MYO7A: variants seen among roughly 807,000 people sequenced by gnomAD.
MYO7A encodes myosin VIIA.
A neutral mutation model predicts 263.8 loss-of-function variants in MYO7A; 210 were observed. That is an observed-to-expected ratio of 0.80 (90% CI 0.71 to 0.89). MYO7A has a LOEUF of 0.89. Ranked by LOEUF, MYO7A falls within the 40% of genes least tolerant of loss-of-function variation. The pLI is 0.00. For missense variants in MYO7A, 2,820 were observed against 2,968.3 expected, an observed-to-expected ratio of 0.95 and a Z score of 1.16; for synonymous variants, 1,239 against 1,197.3, an observed-to-expected ratio of 1.03 and a Z score of -0.72.
intron 37 of MYO7A, 48 bp from the exon 38 acceptor site, chr11:77,203,012 G>C (rs1055512167): frequency 1.3e-6 from 2 of 1,537,816 alleles, no homozygotes; most frequent in Admixed American, 3.9e-5. Flanking sequence ...GTTTCTCCCC[G>C]GGGCTGCCAG....
At position 77,208,257 on chromosome 11, in the gene MYO7A, C is replaced by A. The variant is rs561393825; in HGVS notation, c.5857-173C>A. On this transcript the variant is annotated intron_variant, in intron 42 of 48. Coordinates refer to ENST00000409709, the MANE Select transcript of MYO7A (RefSeq NM_000260.4). ...GCTCCCGGCAAGAAGTGGGCTCTTC[C>A]GGGGACACTCAGCAGGCACATGGGG... is the stretch of plus-strand genomic sequence containing the variant. 2.2e-4 allele frequency among the ~76,000 whole-genome samples: 34 copies of A among 152,260 alleles called. 2 individuals are homozygous for A. The South Asian group carries it at 6.9e-3, about 31-fold the overall frequency.
chr11:77,213,496 C>T (rs745362517), intron 47 of MYO7A, among the ~76,000 whole-genome samples: 62 of 152,194 alleles, frequency 4.1e-4, no homozygotes, highest in Non-Finnish European at 7.2e-4. Context: ...CATTCCTTCC[C>T]GGACCCTTTG....
intron 31 of MYO7A, among the ~76,000 whole-genome samples, chr11:77,192,906 GA>G (rs1956220611): frequency 3.6e-4 from 1 of 2,800 alleles, no homozygotes; most frequent in Admixed American, 5.3e-3. Context: ...TGGTGTTGGT[GA>G]TGGTGGAGGG....
intron 28 of MYO7A, 125 bp from the exon 29 acceptor site, chr11:77,189,895 G>C: frequency 1.4e-6 from 2 of 1,399,004 alleles, no homozygotes; most frequent in Non-Finnish European, 1.9e-6. Context: ...TGAGAGGGTA[G>C]GGAAGCCACA....
At chr11:77,157,693 G>A (rs908390006) in intron 8 of MYO7A, among the ~76,000 whole-genome samples, 1 of 152,226 alleles carries the variant, frequency 6.6e-6, no homozygotes, top group Non-Finnish European at 1.5e-5. Context: ...CCACATGGAC[G>A]TAAGTGTGGG....
At chr11:77,161,987 C>T in intron 12 of MYO7A, 133 bp from the exon 13 acceptor site, 1 of 834,968 alleles carries the variant, frequency 1.2e-6, no homozygotes, top group East Asian at 2.7e-5. Context: ...GACAATTCCC[C>T]TCGCCTCTGA....
chr11:77,139,384 G>A (rs1951069988), intron 2 of MYO7A: 1 of 152,194 alleles, frequency 6.6e-6, no homozygotes, highest in South Asian at 2.1e-4. Context: ...CCTCTGCCCT[G>A]GTCATATATT....
intron 40 of MYO7A, 110 bp downstream of exon 40, chr11:77,205,727 C>A: frequency 7.1e-7 from 1 of 1,406,890 alleles, no homozygotes; most frequent in Non-Finnish European, 9.6e-7. Flanking sequence ...TTGGGCCCAC[C>A]CCTGGGGTAC....
At chr11:77,167,684 C>T (rs1555073494) in intron 15 of MYO7A, among the ~76,000 whole-genome samples, 1 of 152,176 alleles carries the variant, frequency 6.6e-6, no homozygotes, top group East Asian at 1.9e-4. Flanking sequence ...CATTTCCTCT[C>T]TGCCAAATAC....
chr11:77,205,320 C>A, intron 39 of MYO7A, 142 bp from the exon 40 acceptor site: 1 of 1,017,696 alleles, frequency 9.8e-7, no homozygotes, highest in Non-Finnish European at 1.4e-6. Context: ...GTGAGGGGTC[C>A]TGAGATAGGG....
chr11:77,186,082 C>A (rs1299182419), intron 27 of MYO7A, among the ~76,000 whole-genome samples: 1 of 150,924 alleles, frequency 6.6e-6, no homozygotes, highest in African/African-American at 2.5e-5. Flanking sequence ...ACCACCACAT[C>A]CAGCTAATTT....
chr11:77,193,620 C>T (rs574100686), intron 31 of MYO7A, among the ~76,000 whole-genome samples: 72 of 151,330 alleles, frequency 4.8e-4, no homozygotes, highest in African/African-American at 1.2e-3. Context: ...AATATTCAGG[C>T]GGAGTGCATT....
Position 77,162,941 on chromosome 11 carries a change from A to G in MYO7A, c.1643A>G (p.Gln548Arg), listed in dbSNP as rs1953144028. ...CCCCCCAAGAACAACCATGAGACCC[A>G]GTTTGGCATCAACCATTTTGCAGGC... is the stretch of plus-strand genomic sequence containing the variant. ...YIPPKNNHET[Q>R]FGINHFAGIV... The change falls in exon 14 of 49, where the codon CAG becomes CGG. Residue 548 changes from glutamine (Q) to arginine (R), a missense_variant. Physicochemically the swap from Gln to Arg is conservative, Grantham distance 43 (BLOSUM62 1). Transcript: ENST00000409709. 5 of 1,613,686 alleles carry G rather than the reference A, an allele frequency of 3.1e-6. No homozygotes were observed. The highest frequency in any genetic ancestry group is 4.2e-6 in the Non-Finnish European group (5 of 1,179,860).
chr11:77,201,782 G>GCACA, intron 36 of MYO7A, 144 bp downstream of exon 36: 1 of 1,025,772 alleles, frequency 9.7e-7, no homozygotes, highest in Non-Finnish European at 1.4e-6. Context: ...TTTAAAGTTG[G>GCACA]GGCAGTGCTC....
At position 77,190,040 on chromosome 11, in the gene MYO7A, C is replaced by CG; in HGVS notation, c.3656dup (p.Pro1221AlafsTer8). On this transcript the variant is annotated frameshift_variant, in exon 29 of 49. Transcript: ENST00000409709. LOFTEE classifies it high-confidence loss of function. The stretch of plus-strand genomic sequence containing the variant: ...TGCAGTACCTGCGGAACTTCATCCA[C>CG]GGGGGCCCGCCCGGCTACGCCCCGT... 6.4e-7 allele frequency: 1 copy of CG among 1,559,736 alleles called. No homozygotes were observed. Among genetic ancestry groups the CG allele is most frequent in the Non-Finnish European group, 8.7e-7 (1 of 1,152,390 alleles).
chr11:77,129,662 T>A (rs1177375811), intron 1 of MYO7A, among the ~76,000 whole-genome samples: 1 of 152,048 alleles, frequency 6.6e-6, no homozygotes, highest in Non-Finnish European at 1.5e-5. Flanking sequence ...CCTGACAACA[T>A]AATGCATATA....
At chr11:77,181,773 TTTTTTG>T (rs782820632) in intron 23 of MYO7A, among the ~76,000 whole-genome samples, 172 bp from the exon 24 acceptor site, 759 of 30,696 alleles carry the variant, frequency 0.025, 12 homozygotes, top group African/African-American at 0.089. Flanking sequence ...TCAAGTTTTT[TTTTTTG>T]TTTTTTTTTT....
Position 77,172,378 on chromosome 11 carries a change from G to A in MYO7A, c.1798-370G>A, listed in dbSNP as rs373778652. ...TCAGTGTCCTGAGGTGACCAAGTCC[G>A]ATTACTCCTTTATACAGGGAAGGGA... is the stretch of plus-strand genomic sequence containing the variant. On this transcript the variant is annotated intron_variant, in intron 15 of 48. Transcript: ENST00000409709. Among the ~76,000 whole-genome samples, 8 of 152,276 alleles carry A rather than the reference G, an allele frequency of 5.3e-5. No homozygotes were observed. In the South Asian group the frequency reaches 6.2e-4, roughly 12 times the overall value.
intron 46 of MYO7A, 183 bp from the exon 47 acceptor site, chr11:77,212,769 G>A (rs1245573626): frequency 4.8e-6 from 3 of 621,756 alleles, no homozygotes; most frequent in Non-Finnish European, 2.9e-6. Context: ...CCCAGGAAGG[G>A]ATGTGGGGCA....
Sources: gnomAD v4.1 joint callset for allele counts (sites outside exome capture counted in the v4.1 genomes callset) on GRCh38, gnomAD v4.1.1 for gene constraint, MANE v1.5 for transcripts, NCBI Gene and HGNC (gene_info 2026-07-23, HGNC 2026-07-21) for gene names.